The following FBLN2 variants were observed in gnomAD, a reference collection of about 807,000 sequenced individuals.
The protein encoded by FBLN2 is fibulin 2, also known as fibulin-2.
A neutral mutation model predicts 123.7 loss-of-function variants in FBLN2; 81 were observed. That is an observed-to-expected ratio of 0.65 (90% CI 0.55 to 0.79). FBLN2 has a LOEUF of 0.79. Among genes scored for constraint, FBLN2 ranks in the 30% least tolerant of loss-of-function variants. FBLN2 has a pLI of 0.00. For synonymous variants in FBLN2, 699 were observed against 701.4 expected (o/e 1.00, Z 0.05); for missense variants, 1,603 against 1,681.3 (o/e 0.95, Z 0.81).
chr3:13,585,309 T>C (rs1190695213), intron 2 of FBLN2, among the ~76,000 whole-genome samples: 3 of 152,196 alleles, frequency 2.0e-5, no homozygotes, highest in Admixed American at 2.0e-4. Flanking sequence ...TGCTGATTGC[T>C]TCACTTTGAG....
chr3:13,586,385 A>G (rs894725142), intron 2 of FBLN2, among the ~76,000 whole-genome samples: 5 of 151,040 alleles, frequency 3.3e-5, no homozygotes, highest in Non-Finnish European at 5.9e-5. Flanking sequence ...GGGTTACACC[A>G]TGTTGGTCAG....
In FBLN2 at chr3:13,618,279, C is replaced by T. The variant is rs543515573; in HGVS notation, c.1933C>T (p.Arg645Cys). Residue 645 changes from arginine (R) to cysteine (C), a missense_variant, in exon 6 of 18, where the codon CGC becomes TGC. Arg to Cys is a radical substitution (Grantham distance 180, BLOSUM62 -3). Coordinates refer to ENST00000404922, the MANE Select transcript of FBLN2 (RefSeq NM_001004019.2). Reference protein sequence around the residue: ...FSLQDDGRTCRPEGHPPQPEA... With the variant: ...FSLQDDGRTCCPEGHPPQPEA... ...ACTGCAGGACGATGGCCGCACTTGC[C>T]GCCCAGGTAAGGGCCCTGATGGCCA... The T allele has an allele frequency of 1.9e-5, 30 of 1,613,776 alleles. No homozygotes were observed. Among genetic ancestry groups the T allele is most frequent in the South Asian group, 1.3e-4 (12 of 91,078 alleles).
At chr3:13,573,413 C>G (rs1052975726) in intron 2 of FBLN2, among the ~76,000 whole-genome samples, 6 of 152,062 alleles carry the variant, frequency 3.9e-5, no homozygotes, top group African/African-American at 1.4e-4. Context: ...GAGTCAGATC[C>G]CCTGAGTGAG....
intron 13 of FBLN2, 66 bp downstream of exon 13, chr3:13,629,358 C>T (rs1559427229): frequency 2.7e-6 from 4 of 1,507,014 alleles, no homozygotes; most frequent in Non-Finnish European, 3.6e-6. Context: ...CTGTGCACTC[C>T]ACCTCCCCAT....
At chr3:13,628,779 C>T (rs1706138186) in intron 11 of FBLN2, 126 bp from the exon 12 acceptor site, 1 of 1,142,370 alleles carries the variant, frequency 8.8e-7, no homozygotes, top group Non-Finnish European at 1.2e-6. Context: ...ACAGTCTGGC[C>T]CTGCAACTCT....
intron 9 of FBLN2, among the ~76,000 whole-genome samples, chr3:13,625,099 T>C (rs1175420273): frequency 2.3e-5 from 3 of 128,886 alleles, no homozygotes; most frequent in African/African-American, 9.1e-5. Context: ...TGGCCTGGGG[T>C]GGTTTCTGAG....
intron 13 of FBLN2, 89 bp downstream of exon 13, chr3:13,629,381 C>T: frequency 1.4e-6 from 2 of 1,458,140 alleles, no homozygotes; most frequent in African/African-American, 1.4e-5. Flanking sequence ...CCAGCACCTC[C>T]ACTGCCTGAG....
At position 13,555,655 on chromosome 3, in the gene FBLN2, C is replaced by T. The variant is rs533597800; in HGVS notation, c.-42+6447C>T. On this transcript the variant is annotated intron_variant, in intron 1 of 17. Transcript: ENST00000404922. Reference sequence around the variant, plus strand: ...ATTTTTAGTAGAGACGGAGTTTCACCGTGTTAGCCAGGATGGTCTCGATCT... The same window carrying T: ...ATTTTTAGTAGAGACGGAGTTTCACTGTGTTAGCCAGGATGGTCTCGATCT... 3.8e-4 allele frequency among the ~76,000 whole-genome samples: 58 copies of T among 152,102 alleles called. 1 individual carries two copies. Among genetic ancestry groups the T allele is most frequent in the South Asian group, 2.9e-3 (14 of 4,814 alleles).
chr3:13,637,037 C>T (rs984997357), intron 17 of FBLN2, among the ~76,000 whole-genome samples: 2 of 152,206 alleles, frequency 1.3e-5, no homozygotes, highest in Admixed American at 1.3e-4. Context: ...TGAGCCCCTC[C>T]ACAAGGCTGC....
At chr3:13,551,621 G>C (rs990559443) in intron 1 of FBLN2, among the ~76,000 whole-genome samples, 12 of 152,130 alleles carry the variant, frequency 7.9e-5, no homozygotes, top group Non-Finnish European at 1.6e-4. Context: ...CCTTGGCCGT[G>C]GGGGGAGTGC....
intron 2 of FBLN2, among the ~76,000 whole-genome samples, chr3:13,603,923 A>G (rs1317847295): frequency 3.9e-5 from 6 of 152,076 alleles, no homozygotes; most frequent in Non-Finnish European, 8.8e-5. Flanking sequence ...TTTAATGATC[A>G]CCATTCTGAC....
chr3:13,577,908 A>G lies in FBLN2; in HGVS notation c.1306+6247A>G, dbSNP rs369842626. On this transcript the variant is annotated intron_variant, in intron 2 of 17. Transcript: ENST00000404922. ...CAACCTGGAGATACTCTGCATGGAC[A>G]TCCCATTTCATGGAAGAGAAAACTG... Among the ~76,000 whole-genome samples, 16 of 152,358 alleles carry G rather than the reference A, an allele frequency of 1.1e-4. No homozygotes were observed. In the East Asian group the frequency reaches 2.1e-3, roughly 20 times the overall value.
intron 2 of FBLN2, among the ~76,000 whole-genome samples, chr3:13,580,089 G>A (rs11925440): frequency 0.055 from 8,293 of 152,164 alleles, 745 homozygotes; most frequent in African/African-American, 0.19. Context: ...ATAGTGTTCC[G>A]TTGCAGGGAT....
intron 5 of FBLN2, among the ~76,000 whole-genome samples, chr3:13,614,924 CCATCCATCCATCCAT>C (rs1705543459): frequency 6.6e-6 from 1 of 151,124 alleles, no homozygotes; most frequent in Admixed American, 6.6e-5. Flanking sequence ...ATCCATCCAT[CCATCCATCCATCCAT>C]CCACCCACCC....
At chr3:13,577,314 G>A (rs551558396) in intron 2 of FBLN2, among the ~76,000 whole-genome samples, 1 of 152,126 alleles carries the variant, frequency 6.6e-6, no homozygotes, top group Non-Finnish European at 1.5e-5. Context: ...GAGCTGAAAG[G>A]GGAGGAGCGA....
At chr3:13,576,723 C>G (rs1232882283) in intron 2 of FBLN2, among the ~76,000 whole-genome samples, 1 of 151,024 alleles carries the variant, frequency 6.6e-6, no homozygotes, top group Non-Finnish European at 1.5e-5. Flanking sequence ...AGGGGGATCC[C>G]CCCCCCCCGG....
chr3:13,589,146 C>T (rs1704593811), intron 2 of FBLN2, among the ~76,000 whole-genome samples: 1 of 152,184 alleles, frequency 6.6e-6, no homozygotes, highest in African/African-American at 2.4e-5. Context: ...TGTGCTTCTC[C>T]TGAATCAGGG....
chr3:13,608,877 C>T (rs1350235443), intron 3 of FBLN2, among the ~76,000 whole-genome samples: 1 of 147,582 alleles, frequency 6.8e-6, no homozygotes, highest in Non-Finnish European at 1.5e-5. Flanking sequence ...GACCACTCTG[C>T]TTCCTATAAA....
chr3:13,579,774 A>G (rs1704263463), intron 2 of FBLN2, among the ~76,000 whole-genome samples: 1 of 152,198 alleles, frequency 6.6e-6, no homozygotes, highest in Admixed American at 6.5e-5. Flanking sequence ...ACCATGCCCC[A>G]GTGTGGAATT....
Sources: allele counts gnomAD v4.1 joint callset (sites outside exome capture counted in the v4.1 genomes callset), GRCh38; gene constraint gnomAD v4.1.1; transcripts MANE v1.5; gene names NCBI Gene and HGNC (gene_info 2026-07-23, HGNC 2026-07-21).